SLC9A4: variants seen among roughly 807,000 people sequenced by gnomAD.
SLC9A4 encodes the protein sodium/hydrogen exchanger 4.
In SLC9A4, 63 loss-of-function variants were observed where a neutral mutation model predicts 67.4. The ratio of observed to expected loss-of-function variants is 0.93; its 90% CI spans 0.76 to 1.15. SLC9A4 has a LOEUF of 1.15. Ranked by LOEUF, SLC9A4 falls within the 50% of genes most tolerant of loss-of-function variation. The pLI, the probability that SLC9A4 is intolerant of heterozygous loss-of-function variation, is 0.00. For missense variants in SLC9A4, 1,089 were observed against 987.7 expected, an observed-to-expected ratio of 1.10 and a Z score of -1.38; for synonymous variants, 393 against 367.2, an observed-to-expected ratio of 1.07 and a Z score of -0.80.
At chr2:102,501,092 G>T (rs1684928129) in intron 2 of SLC9A4, among the ~76,000 whole-genome samples, 1 of 151,578 alleles carries the variant, frequency 6.6e-6, no homozygotes, top group African/African-American at 2.4e-5. Flanking sequence ...CCGAGTAGCT[G>T]GGATTACAGG....
chr2:102,490,315 A>G (rs1050521036), intron 2 of SLC9A4, among the ~76,000 whole-genome samples: 1 of 152,212 alleles, frequency 6.6e-6, no homozygotes, highest in African/African-American at 2.4e-5. Context: ...GAAATATGAA[A>G]GACTTTTATT....
intron 1 of SLC9A4, among the ~76,000 whole-genome samples, chr2:102,476,887 A>T (rs1424011469): frequency 1.3e-5 from 2 of 152,246 alleles, no homozygotes; most frequent in Non-Finnish European, 2.9e-5. Flanking sequence ...AGCAGTGATT[A>T]GAAAATGATG....
rs374564175 is a variant in SLC9A4 at position 102,478,946 on chromosome 2, C to A, written c.364C>A (p.Pro122Thr). ...CATCTTCGGCACCGACCACAAATCG[C>A]CTCCGGTCATGGACTCCAGCATCTA... ...GIIFGTDHKS[P>T]PVMDSSIYFL... is the part of the protein sequence containing the mutation. The change falls in exon 2 of 12, where the codon CCT becomes ACT. Residue 122 changes from proline to threonine, a missense_variant. Coordinates refer to ENST00000295269, the MANE Select transcript of SLC9A4 (RefSeq NM_001011552.4). The A allele has an allele frequency of 1.9e-6, 3 of 1,613,932 alleles. No homozygotes were observed. In the African/African-American group the frequency reaches 4.0e-5, roughly 22 times the overall value.
intron 2 of SLC9A4, among the ~76,000 whole-genome samples, chr2:102,483,839 T>TACACACACACAC (rs1391182060): frequency 2.3e-4 from 29 of 127,914 alleles, no homozygotes; most frequent in African/African-American, 7.4e-4. Context: ...TATATATATA[T>TACACACACACAC]ATACACACAC....
chr2:102,505,120 C>A (rs1196574148), intron 3 of SLC9A4, 134 bp from the exon 4 acceptor site: 3 of 771,316 alleles, frequency 3.9e-6, no homozygotes, highest in Non-Finnish European at 6.2e-6. Context: ...AAATCTGCAG[C>A]CACAGAAGGG....
At chr2:102,485,364 A>G (rs1684564590) in intron 2 of SLC9A4, among the ~76,000 whole-genome samples, 1 of 152,186 alleles carries the variant, frequency 6.6e-6, no homozygotes, top group South Asian at 2.1e-4. Flanking sequence ...CAGTGGCAAC[A>G]GTTTCTATCA....
At position 102,512,246 on chromosome 2, in the gene SLC9A4, A is replaced by G; in HGVS notation, c.1532A>G (p.His511Arg). ...LKAGIEDVCGHWSHYQVRDKF... is the reference protein window; with the variant it reads ...LKAGIEDVCGRWSHYQVRDKF... ...GCTGGAATCGAAGATGTGTGTGGGC[A>G]CTGGAGTCACTACCAAGTGAGAGAC... Residue 511 changes from histidine to arginine, a missense_variant, in exon 7 of 12, where the codon CAC becomes CGC. By Grantham distance (29) the His-to-Arg change is conservative. Transcript: ENST00000295269. The G allele has an allele frequency of 6.2e-7, 1 of 1,614,130 alleles. No homozygotes were observed. The highest frequency in any genetic ancestry group is 8.5e-7 in the Non-Finnish European group (1 of 1,180,000).
rs1401277819 is a variant in SLC9A4 at position 102,487,297 on chromosome 2, G to C, written c.720+7995G>C. Reference sequence around the variant, plus strand: ...AGCTTGTGATGAAGAGCTTGGACTTGGCTGGGGAGGTGGGAGGACCTGGGA... The same window carrying C: ...AGCTTGTGATGAAGAGCTTGGACTTCGCTGGGGAGGTGGGAGGACCTGGGA... On this transcript the variant is annotated intron_variant, in intron 2 of 11. Transcript: ENST00000295269. 3.9e-5 allele frequency among the ~76,000 whole-genome samples: 6 copies of C among 152,140 alleles called. No homozygotes were observed. In the East Asian group the frequency reaches 1.2e-3, roughly 29 times the overall value.
Position 102,508,860 on chromosome 2 carries a change from G to T in SLC9A4, c.1415G>T (p.Gly472Val), listed in dbSNP as rs1186644825. The change falls in exon 6 of 12, where the codon GGC becomes GTC. Residue 472 changes from glycine (G) to valine (V), a missense_variant. Transcript: ENST00000295269. ...TTTCTGATCTAGGGAATCACAGTTG[G>T]CCCTCTGGTCAGGTACCTGGATGTT... ...FTVFIQGITV[G>V]PLVRYLDVKK... The T allele has an allele frequency of 1.2e-6, 2 of 1,612,082 alleles. No homozygotes were observed. Among genetic ancestry groups the T allele is most frequent in the Non-Finnish European group, 1.7e-6 (2 of 1,179,406 alleles).
chr2:102,519,331 C>G (rs1685346041), intron 8 of SLC9A4, among the ~76,000 whole-genome samples: 1 of 152,136 alleles, frequency 6.6e-6, no homozygotes, highest in South Asian at 2.1e-4. Context: ...ACTCATGAAA[C>G]TAATATTCTA....
chr2:102,477,588 A>G (rs963737051), intron 1 of SLC9A4, among the ~76,000 whole-genome samples: 1 of 152,210 alleles, frequency 6.6e-6, no homozygotes, highest in African/African-American at 2.4e-5. Context: ...GATTATTGTT[A>G]TTAGACGGAG....
In SLC9A4 at chr2:102,532,411, C is replaced by T; in HGVS notation, c.2120C>T (p.Ala707Val). ...SRIGSLQKQE[A>V]QEIIPMKSLH... Reference sequence around the variant, plus strand: ...ATAGGGTCACTTCAGAAGCAAGAGGCACAAGAAATAATACCAATGAAGAGC... The same window carrying T: ...ATAGGGTCACTTCAGAAGCAAGAGGTACAAGAAATAATACCAATGAAGAGC... The change falls in exon 12 of 12, where the codon GCA becomes GTA. Residue 707 changes from alanine to valine, a missense_variant. Physicochemically the swap from Ala to Val is moderately conservative, Grantham distance 64 (BLOSUM62 0). Transcript: ENST00000295269. 3 of 1,614,180 alleles carry T rather than the reference C, an allele frequency of 1.9e-6. No individual in the cohort carries two copies. Among genetic ancestry groups the T allele is most frequent in the Non-Finnish European group, 2.5e-6 (3 of 1,180,034 alleles).
chr2:102,483,400 T>C (rs977831294), intron 2 of SLC9A4, among the ~76,000 whole-genome samples: 11 of 152,194 alleles, frequency 7.2e-5, no homozygotes, highest in African/African-American at 2.7e-4. Flanking sequence ...GGAAGGAGCC[T>C]TCTTGGGGGC....
intron 2 of SLC9A4, among the ~76,000 whole-genome samples, chr2:102,485,997 G>A (rs985894800): frequency 2.6e-5 from 4 of 152,154 alleles, no homozygotes; most frequent in African/African-American, 4.8e-5. Context: ...CTGGACACAG[G>A]GCACATGAGG....
chr2:102,502,018 C>T (rs1211093244), intron 2 of SLC9A4, among the ~76,000 whole-genome samples: 1 of 152,158 alleles, frequency 6.6e-6, no homozygotes. Flanking sequence ...AGAATACCAT[C>T]ACGGCCACGA....
chr2:102,501,927 A>G (rs1684949250), intron 2 of SLC9A4, among the ~76,000 whole-genome samples: 1 of 152,112 alleles, frequency 6.6e-6, no homozygotes, highest in East Asian at 1.9e-4. Flanking sequence ...CCAGAGGGGC[A>G]ATGAGAGCCA....
At position 102,512,244 on chromosome 2, in the gene SLC9A4, G is replaced by A. The variant is rs1201373892; in HGVS notation, c.1530G>A (p.Gly510=). The A allele has an allele frequency of 6.2e-7, 1 of 1,614,062 alleles. No homozygotes were observed. The highest frequency in any genetic ancestry group is 1.1e-5 in the South Asian group (1 of 91,070). The change falls in exon 7 of 12, where the codon GGG becomes GGA. Residue 510 remains glycine, a synonymous_variant. Transcript: ENST00000295269. ...AGGCTGGAATCGAAGATGTGTGTGG[G>A]CACTGGAGTCACTACCAAGTGAGAG... ...HLKAGIEDVC[G]HWSHYQVRDK...
At chr2:102,484,430 C>T (rs986630765) in intron 2 of SLC9A4, among the ~76,000 whole-genome samples, 2 of 152,130 alleles carry the variant, frequency 1.3e-5, no homozygotes, top group Admixed American at 6.5e-5. Flanking sequence ...GTTGTGCCTC[C>T]TCTTGCTGTA....
At chr2:102,510,272 CAGATAT>C (rs145991620) in intron 6 of SLC9A4, among the ~76,000 whole-genome samples, 1,740 of 126,248 alleles carry the variant, frequency 0.014, 33 homozygotes, top group African/African-American at 0.04. Context: ...GATACAGATA[CAGATAT>C]AGATATAGAT....
Sources: gnomAD v4.1 joint callset for allele counts (sites outside exome capture counted in the v4.1 genomes callset) on GRCh38, gnomAD v4.1.1 for gene constraint, MANE v1.5 for transcripts, NCBI Gene and HGNC (gene_info 2026-07-23, HGNC 2026-07-21) for gene names.